The following WFS1 variants were observed in gnomAD, a reference collection of about 807,000 sequenced individuals.
WFS1 encodes wolframin.
Under a neutral mutation model 68.5 loss-of-function variants are expected in WFS1, and 90 were observed. The observed-to-expected ratio is 1.31, with a 90% confidence interval of 1.11 to 1.56. The LOEUF is 1.56. WFS1 is among the 40% of genes most tolerant of loss of function. The pLI is 0.00. For synonymous variants in WFS1, 860 were observed against 540.7 expected, an observed-to-expected ratio of 1.59 and a Z score of -8.19; for missense variants, 1,767 against 1,232.6, an observed-to-expected ratio of 1.43 and a Z score of -6.49.
intron 7 of WFS1, among the ~76,000 whole-genome samples, chr4:6,295,785 C>CAT (rs1730624045): frequency 6.6e-6 from 1 of 152,204 alleles, no homozygotes; most frequent in South Asian, 2.1e-4. Context: ...AGCGGGAAGC[C>CAT]CAGCAGTGCG....
Position 6,270,466 on chromosome 4 carries a change from TGG to T in WFS1, c.-6+458_-6+459del, listed in dbSNP as rs71173429. Among the ~76,000 whole-genome samples, 6 of 151,444 alleles carry T rather than the reference TGG, an allele frequency of 4.0e-5. No homozygotes were observed. In the South Asian group the frequency reaches 6.2e-4, roughly 16 times the overall value. On this transcript the variant is annotated intron_variant, in intron 1 of 7. Coordinates refer to ENST00000226760, the MANE Select transcript of WFS1 (RefSeq NM_006005.3). ...GCGCCTGGGCCCCCGGGAGGTGTTGTGGGGGGGAAGGGGGGTTCAGTCCCCCA... is the reference window on the plus strand; with the variant it reads ...GCGCCTGGGCCCCCGGGAGGTGTTGTGGGGGAAGGGGGGTTCAGTCCCCCA...
At chr4:6,295,281 G>A (rs553274427) in intron 7 of WFS1, 92 bp downstream of exon 7, 2 of 1,522,980 alleles carry the variant, frequency 1.3e-6, no homozygotes, top group South Asian at 1.1e-5. Flanking sequence ...TGCAGGTGGG[G>A]AGGTTCGCGC....
intron 2 of WFS1, among the ~76,000 whole-genome samples, chr4:6,279,906 C>T (rs541391679): frequency 2.0e-5 from 3 of 152,356 alleles, no homozygotes; most frequent in African/African-American, 7.2e-5. Flanking sequence ...CTTTTCAGCC[C>T]TTCATTCAGC....
chr4:6,296,158 C>T (rs1313302115), intron 7 of WFS1, among the ~76,000 whole-genome samples: 3 of 152,216 alleles, frequency 2.0e-5, no homozygotes, highest in Non-Finnish European at 2.9e-5. Context: ...AGGCAGGCAG[C>T]AGGCTGAAAG....
chr4:6,274,915 A>G (rs1234564183), intron 1 of WFS1, among the ~76,000 whole-genome samples: 1 of 152,170 alleles, frequency 6.6e-6, no homozygotes, highest in Non-Finnish European at 1.5e-5. Context: ...TTTGAATTTC[A>G]GGTCTGGTAC....
chr4:6,300,113 T>G (rs1339755529), intron 7 of WFS1, among the ~76,000 whole-genome samples: 1 of 152,090 alleles, frequency 6.6e-6, no homozygotes, highest in Admixed American at 6.5e-5. Flanking sequence ...TGCCTGTGTC[T>G]GCACTGAACT....
intron 2 of WFS1, among the ~76,000 whole-genome samples, chr4:6,280,387 G>C (rs1235825831): frequency 6.6e-6 from 1 of 152,164 alleles, no homozygotes; most frequent in Non-Finnish European, 1.5e-5. Flanking sequence ...TCCAGCCCTG[G>C]GGGGATCTGT....
intron 1 of WFS1, among the ~76,000 whole-genome samples, chr4:6,275,592 G>A: frequency 9.2e-6 from 1 of 108,266 alleles, no homozygotes; most frequent in East Asian, 3.5e-4. Flanking sequence ...GATGCACGGG[G>A]GTGGGGTGGG....
In WFS1 at chr4:6,277,465, A is replaced by G. The variant is rs1432233903; in HGVS notation, c.10A>G (p.Asn4Asp). 6.4e-7 allele frequency: 1 copy of G among 1,555,096 alleles called. No individual in the cohort carries two copies. The highest frequency in any genetic ancestry group is 2.4e-5 in the East Asian group (1 of 41,480). ...TTTTCTTCCAGGCAGGATGGACTCC[A>G]ACACTGCTCCGCTGGGCCCCTCCTG... is the stretch of plus-strand genomic sequence containing the variant. Reference protein sequence around the residue: MDSNTAPLGPSCPQ... With the variant: MDSDTAPLGPSCPQ... The change falls in exon 2 of 8, where the codon AAC (asparagine) becomes GAC (aspartate). Residue 4 changes from asparagine (N) to aspartate (D), a missense_variant. By Grantham distance (23) the Asn-to-Asp change is conservative (BLOSUM62 1). Transcript: ENST00000226760.
In WFS1 at chr4:6,302,670, A is replaced by C. The variant is rs1731000372; in HGVS notation, c.*202A>C. 1 of 730,510 alleles carries C rather than the reference A, an allele frequency of 1.4e-6. No homozygotes were observed. Among genetic ancestry groups the C allele is most frequent in the African/African-American group, 1.8e-5 (1 of 56,514 alleles). The allele number at this position is 730,510 out of a possible 1,614,324, so 45.3% of individuals were successfully genotyped here. On this transcript the variant is annotated 3_prime_UTR_variant, in exon 8 of 8. Transcript: ENST00000226760. ...TGTAGCTCTGTCCACTCTGAATACC[A>C]AGTGTGTTGGGAATTGCATGCCATC... is the stretch of plus-strand genomic sequence containing the variant.
In WFS1 at chr4:6,289,140, G is replaced by T; in HGVS notation, c.460+9G>T. On this transcript the variant is annotated intron_variant, in intron 4 of 7. Transcript: ENST00000226760. ...CTTGGCGGACAGAAGAGGTGGGTCT[G>T]TGTGAGGCTTAGAACAGCCTCTGGA... 1.9e-6 allele frequency: 3 copies of T among 1,570,806 alleles called. No homozygotes were observed. The highest frequency in any genetic ancestry group is 1.2e-5 in the South Asian group (1 of 85,444).
intron 2 of WFS1, among the ~76,000 whole-genome samples, chr4:6,285,188 T>G (rs918913202): frequency 1.4e-5 from 2 of 143,040 alleles, no homozygotes; most frequent in African/African-American, 5.4e-5. Flanking sequence ...CAGGGAGAGT[T>G]ACGTCCAGGG....
chr4:6,277,364 C>T, intron 1 of WFS1, 87 bp from the exon 2 acceptor site: 1 of 1,310,300 alleles, frequency 7.6e-7, no homozygotes, highest in Admixed American at 2.0e-5. Flanking sequence ...CACCTGCCTC[C>T]CTCTGCTTTT....
In WFS1 at chr4:6,277,498, C is replaced by A. The variant is rs1180652182; in HGVS notation, c.43C>A (p.Pro15Thr). Residue 15 changes from proline (P) to threonine (T), a missense_variant, in exon 2 of 8, where the codon CCC (proline) becomes ACC (threonine). Transcript: ENST00000226760. ...TCCGCTGGGCCCCTCCTGCCCACAG[C>A]CCCCGCCAGCACCGCAGCCCCAGGC... Reference protein sequence around the residue: ...TAPLGPSCPQPPPAPQPQARS... With the variant: ...TAPLGPSCPQTPPAPQPQARS... 1.9e-6 allele frequency: 3 copies of A among 1,571,914 alleles called. No homozygotes were observed. The highest frequency in any genetic ancestry group is 2.6e-6 in the Non-Finnish European group (3 of 1,159,054).
chr4:6,300,831 C>G lies in WFS1; in HGVS notation c.1036C>G (p.Pro346Ala). ...LTIDFFAFFI[P>A]LVIFYLSFIS... Reference sequence around the variant, plus strand: ...CATCGACTTCTTCGCCTTCTTCATCCCGCTGGTCATCTTCTACCTGTCCTT... The same window carrying G: ...CATCGACTTCTTCGCCTTCTTCATCGCGCTGGTCATCTTCTACCTGTCCTT... The change falls in exon 8 of 8, where the codon CCG (proline) becomes GCG (alanine). Residue 346 changes from proline to alanine, a missense_variant. Transcript: ENST00000226760. 6.2e-7 allele frequency: 1 copy of G among 1,614,122 alleles called. No homozygotes were observed. The highest frequency in any genetic ancestry group is 1.3e-5 in the African/African-American group (1 of 75,030).
At position 6,301,320 on chromosome 4, in the gene WFS1, G is replaced by C; in HGVS notation, c.1525G>C (p.Val509Leu). ...LNVSVPCLLY[V>L]YLLYLFFRMA... is the part of the protein sequence containing the mutation. ...CGTCAGCGTCCCGTGCCTGCTCTAT[G>C]TCTACCTGCTCTATCTCTTCTTCCG... The change falls in exon 8 of 8, where the codon GTC (valine) becomes CTC (leucine). Residue 509 changes from valine (V) to leucine (L), a missense_variant. By Grantham distance (32) the Val-to-Leu change is conservative. Coordinates refer to ENST00000226760, the MANE Select transcript of WFS1 (RefSeq NM_006005.3). The C allele has an allele frequency of 6.2e-7, 1 of 1,611,676 alleles. No individual in the cohort carries two copies. The highest frequency in any genetic ancestry group is 8.5e-7 in the Non-Finnish European group (1 of 1,179,968).
chr4:6,282,609 C>T (rs1730200598), intron 2 of WFS1, among the ~76,000 whole-genome samples: 1 of 152,156 alleles, frequency 6.6e-6, no homozygotes, highest in Non-Finnish European at 1.5e-5. Flanking sequence ...GGAAGTATGT[C>T]TGGATGCATC....
In WFS1 at chr4:6,294,797, A is replaced by C; in HGVS notation, c.713-244A>C. 2 of 544,392 alleles carry C rather than the reference A, an allele frequency of 3.7e-6. 1 individual carries two copies. Among genetic ancestry groups the C allele is most frequent in the South Asian group, 3.9e-5 (2 of 51,164 alleles). 33.7% of individuals were successfully genotyped at this position (544,392 alleles called of 1,614,324 possible). A position where few individuals can be genotyped will look rare whatever the true frequency, so the allele number is the denominator to read the frequency against. On this transcript the variant is annotated intron_variant, in intron 6 of 7. Coordinates refer to ENST00000226760, the MANE Select transcript of WFS1 (RefSeq NM_006005.3). ...CAGAGAGGGACACTTGGGGTGGGGG[A>C]CAGCACACCCAGGGGCCGGGGGCCA...
rs531680935 is a variant in WFS1 at position 6,295,556 on chromosome 4, T to A, written c.861+367T>A. On this transcript the variant is annotated intron_variant, in intron 7 of 7. Transcript: ENST00000226760. ...AGATTTCTCCATGTATGGTCCAGAG[T>A]GGAGGCCAGTGCCTTGAAGATGCCT... 2.3e-4 allele frequency among the ~76,000 whole-genome samples: 35 copies of A among 152,190 alleles called. No homozygotes were observed. In the South Asian group the frequency reaches 7.1e-3, roughly 31 times the overall value.
Sources: gnomAD v4.1 joint callset for allele counts (sites outside exome capture counted in the v4.1 genomes callset) on GRCh38, gnomAD v4.1.1 for gene constraint, MANE v1.5 for transcripts, NCBI Gene and HGNC (gene_info 2026-07-23, HGNC 2026-07-21) for gene names.